The following TXNRD1 variants were observed in gnomAD, a reference collection of about 807,000 sequenced individuals.
The protein encoded by TXNRD1 is thioredoxin reductase 1, cytoplasmic.
Under a neutral mutation model 80.3 loss-of-function variants are expected in TXNRD1, and 57 were observed. The ratio of observed to expected loss-of-function variants is 0.71; its 90% CI spans 0.57 to 0.89. TXNRD1 has a LOEUF of 0.89. Ranked by LOEUF, TXNRD1 falls within the 40% of genes least tolerant of loss-of-function variation. TXNRD1 has a pLI of 0.00. For synonymous variants in TXNRD1, 291 were observed against 285.2 expected (o/e 1.02, Z -0.20); for missense variants, 730 against 803.0 (o/e 0.91, Z 1.10).
chr12:104,328,897 G>A (rs1435638098), intron 13 of TXNRD1, among the ~76,000 whole-genome samples: 1 of 152,042 alleles, frequency 6.6e-6, no homozygotes, highest in African/African-American at 2.4e-5. Flanking sequence ...GGGACTAGAT[G>A]GCCAGAAAAG....
At chr12:104,345,713 A>G (rs2036467230) in intron 16 of TXNRD1, among the ~76,000 whole-genome samples, 1 of 152,240 alleles carries the variant, frequency 6.6e-6, no homozygotes, top group Admixed American at 6.5e-5. Context: ...ACTTCCTTGT[A>G]ATGTCTTAAA....
intron 11 of TXNRD1, among the ~76,000 whole-genome samples, chr12:104,325,897 G>A (rs1017087257): frequency 2.0e-5 from 3 of 151,080 alleles, no homozygotes; most frequent in Non-Finnish European, 4.4e-5. Flanking sequence ...AAGTTGTTTT[G>A]GTAAACGGAT....
chr12:104,348,459 C>A lies in TXNRD1; in HGVS notation c.*38C>A. 6.2e-7 allele frequency: 1 copy of A among 1,606,460 alleles called. No homozygotes were observed. The highest frequency in any genetic ancestry group is 8.5e-7 in the Non-Finnish European group (1 of 1,173,578). Reference sequence around the variant, plus strand: ...ATGCTGTTGCCAAGACTGCAAACCACTGGCTCGTTTCCGTGCCCAAATCCA... The same window carrying A: ...ATGCTGTTGCCAAGACTGCAAACCAATGGCTCGTTTCCGTGCCCAAATCCA... On this transcript the variant is annotated 3_prime_UTR_variant, in exon 17 of 17. Coordinates refer to ENST00000525566, the MANE Select transcript of TXNRD1 (RefSeq NM_001093771.3).
intron 4 of TXNRD1, among the ~76,000 whole-genome samples, chr12:104,294,058 G>C (rs2034333200): frequency 6.6e-6 from 1 of 152,176 alleles, no homozygotes; most frequent in Admixed American, 6.5e-5. Flanking sequence ...TGTCTGGAAG[G>C]CAGAGCCAGG....
At chr12:104,236,404 T>C (rs1427022630) in intron 1 of TXNRD1, among the ~76,000 whole-genome samples, 1 of 152,206 alleles carries the variant, frequency 6.6e-6, no homozygotes, top group African/African-American at 2.4e-5. Flanking sequence ...AGGTTACTGT[T>C]TGTAAAGTTC....
intron 15 of TXNRD1, among the ~76,000 whole-genome samples, chr12:104,336,358 T>C (rs988451834): frequency 1.3e-5 from 2 of 152,246 alleles, no homozygotes; most frequent in African/African-American, 2.4e-5. Context: ...TTTTCATAGA[T>C]AAAGATAGTA....
rs2135805732 is a variant in TXNRD1, at chr12:104,311,292, T to C, written c.417T>C (p.Ala139=). ...KIGGHGPTLK[A]YQEGRLQKLL... Reference sequence around the variant, plus strand: ...TCTCTTCTGTTATTTTTCTTTAGGCTTATCAGGAGGGCAGACTTCAAAAGC... The same window carrying C: ...TCTCTTCTGTTATTTTTCTTTAGGCCTATCAGGAGGGCAGACTTCAAAAGC... The change falls in exon 5 of 17, where the codon GCT becomes GCC. Residue 139 remains alanine (A), a splice_region_variant and synonymous_variant. Transcript: ENST00000525566. 1 of 1,594,698 alleles carries C rather than the reference T, an allele frequency of 6.3e-7. No homozygotes were observed. Among genetic ancestry groups the C allele is most frequent in the East Asian group, 2.2e-5 (1 of 44,518 alleles).
intron 1 of TXNRD1, among the ~76,000 whole-genome samples, chr12:104,235,707 G>A (rs912197109): frequency 6.6e-6 from 1 of 152,172 alleles, no homozygotes; most frequent in African/African-American, 2.4e-5. Context: ...TGAGGAAAGG[G>A]TATCTTAGGT....
At chr12:104,260,490 AC>A (rs1487625897) in intron 3 of TXNRD1, among the ~76,000 whole-genome samples, 2 of 151,814 alleles carry the variant, frequency 1.3e-5, no homozygotes, top group Non-Finnish European at 2.9e-5. Flanking sequence ...AAAAAAAAAC[AC>A]AAAAAACAAC....
intron 4 of TXNRD1, chr12:104,303,661 T>G (rs2034738894): frequency 2.2e-6 from 1 of 450,812 alleles, no homozygotes; most frequent in Non-Finnish European, 3.8e-6. Context: ...GGCTTGTGGC[T>G]GGGCCGGGCC....
At chr12:104,326,216 C>T in intron 11 of TXNRD1, 131 bp from the exon 12 acceptor site, 1 of 650,196 alleles carries the variant, frequency 1.5e-6, no homozygotes, top group Non-Finnish European at 2.6e-6. Context: ...GCATTACTTT[C>T]TTACTGAAAT....
At chr12:104,256,276 C>T (rs770180332) in intron 2 of TXNRD1, among the ~76,000 whole-genome samples, 2 of 152,134 alleles carry the variant, frequency 1.3e-5, no homozygotes, top group African/African-American at 4.8e-5. Context: ...CTAACGTCTA[C>T]GTAAAGGTAG....
intron 1 of TXNRD1, among the ~76,000 whole-genome samples, chr12:104,234,863 T>C (rs1237604491): frequency 1.3e-5 from 2 of 152,048 alleles, no homozygotes; most frequent in Non-Finnish European, 2.9e-5. Flanking sequence ...CCATTCCCAA[T>C]AGGAAAAGAG....
chr12:104,339,831 G>A (rs886164411), intron 16 of TXNRD1, among the ~76,000 whole-genome samples: 2 of 152,212 alleles, frequency 1.3e-5, no homozygotes, highest in Admixed American at 6.5e-5. Context: ...TGGAGAACTT[G>A]GGAAGGTGTG....
chr12:104,235,535 G>A (rs951263052), intron 1 of TXNRD1, among the ~76,000 whole-genome samples: 8 of 152,256 alleles, frequency 5.3e-5, no homozygotes, highest in Admixed American at 1.3e-4. Flanking sequence ...TTACCAGTCG[G>A]GCTTTTGGCT....
chr12:104,250,552 C>G (rs2033097302), intron 1 of TXNRD1, among the ~76,000 whole-genome samples: 1 of 152,098 alleles, frequency 6.6e-6, no homozygotes, highest in Non-Finnish European at 1.5e-5. Context: ...AGTTGCATAA[C>G]CTCTCTGAGT....
At chr12:104,329,148 G>A (rs1471489409) in intron 13 of TXNRD1, among the ~76,000 whole-genome samples, 1 of 151,984 alleles carries the variant, frequency 6.6e-6, no homozygotes, top group African/African-American at 2.4e-5. Flanking sequence ...GATTATTGAG[G>A]GAATAGCAGT....
intron 1 of TXNRD1, among the ~76,000 whole-genome samples, chr12:104,235,240 G>A (rs192389689): frequency 3.3e-5 from 5 of 152,274 alleles, no homozygotes; most frequent in East Asian, 1.9e-4. Flanking sequence ...GGGTTGGACC[G>A]CACAATCTAA....
At chr12:104,271,476 C>T (rs2033651768) in intron 3 of TXNRD1, among the ~76,000 whole-genome samples, 1 of 152,092 alleles carries the variant, frequency 6.6e-6, no homozygotes, top group Admixed American at 6.6e-5. Flanking sequence ...CACACCTGGC[C>T]ATATCATTAA....
Sources: allele counts gnomAD v4.1 joint callset (sites outside exome capture counted in the v4.1 genomes callset), GRCh38; gene constraint gnomAD v4.1.1; transcripts MANE v1.5; gene names NCBI Gene and HGNC (gene_info 2026-07-23, HGNC 2026-07-21).